MYO9B: variants seen among roughly 807,000 people sequenced by gnomAD.
MYO9B encodes unconventional myosin-IXb.
MYO9B carries 71 observed loss-of-function variants against 229.5 expected under a neutral mutation model. The observed-to-expected ratio is 0.31, with a 90% CI of 0.26 to 0.38. The LOEUF is 0.38. MYO9B is among the 10% of genes least tolerant of loss of function. The pLI is 1.00. For synonymous variants in MYO9B, 1,185 were observed against 1,235.8 expected, an observed-to-expected ratio of 0.96 and a Z score of 0.86; for missense variants, 2,255 against 2,920.5, an observed-to-expected ratio of 0.77 and a Z score of 5.25.
chr19:17,140,930 C>A (rs888777566), intron 2 of MYO9B, among the ~76,000 whole-genome samples: 4 of 151,470 alleles, frequency 2.6e-5, no homozygotes, highest in Non-Finnish European at 4.4e-5. Context: ...TGGTAAAACC[C>A]CATCTCTACT....
chr19:17,163,523 A>G (rs1168436950), intron 10 of MYO9B, among the ~76,000 whole-genome samples: 1 of 151,986 alleles, frequency 6.6e-6, no homozygotes, highest in African/African-American at 2.4e-5. Flanking sequence ...GCACACTACC[A>G]TGCCTGGCTA....
rs145576890 is a variant in MYO9B, at chr19:17,171,207, G to A, written c.1794-1129G>A. Among the ~76,000 whole-genome samples the A allele has an allele frequency of 2.1e-3, 318 of 152,240 alleles. 3 individuals are homozygous for A. The highest frequency in any genetic ancestry group is 0.014 in the Middle Eastern group (4 of 294). ...CCCCGATGTTGGGATCTGGGCATGCGTTCCGCTGCCTGTATTTTCAAAAGT... is the reference window on the plus strand; with the variant it reads ...CCCCGATGTTGGGATCTGGGCATGCATTCCGCTGCCTGTATTTTCAAAAGT... On this transcript the variant is annotated intron_variant, in intron 11 of 39. Transcript: ENST00000682292.
chr19:17,161,494 C>T (rs1057309820), intron 8 of MYO9B, among the ~76,000 whole-genome samples: 18 of 151,592 alleles, frequency 1.2e-4, no homozygotes, highest in Non-Finnish European at 2.2e-4. Flanking sequence ...GCCTTGGCAA[C>T]ATAGTGAGAC....
chr19:17,127,488 G>A (rs1012917944), intron 2 of MYO9B, among the ~76,000 whole-genome samples: 4 of 151,502 alleles, frequency 2.6e-5, no homozygotes, highest in Admixed American at 6.6e-5. Context: ...CACCACACCC[G>A]GCTAATTTCT....
intron 1 of MYO9B, among the ~76,000 whole-genome samples, chr19:17,097,704 T>G (rs1290788609): frequency 6.6e-6 from 1 of 152,284 alleles, no homozygotes; most frequent in South Asian, 2.1e-4. Context: ...GCCTCAGCCC[T>G]TCTAACACTT....
chr19:17,205,315 C>T lies in MYO9B; in HGVS notation c.5043C>T (p.Cys1681=). 1.2e-6 allele frequency: 2 copies of T among 1,613,864 alleles called. No individual in the cohort carries two copies. ...KKCVHKIQSH[C]SYTYGRKGEP... is the part of the protein sequence containing the mutation. ...GCGTGCACAAGATTCAGAGCCACTG[C>T]TCCTACACCTACGGGAGGAAGGTGA... is the stretch of plus-strand genomic sequence containing the variant. Residue 1681 remains cysteine, a synonymous_variant, in exon 31 of 40, where the codon TGC becomes TGT. Coordinates refer to ENST00000682292, the MANE Select transcript of MYO9B (RefSeq NM_004145.4).
chr19:17,076,581 G>A (rs2057486631), intron 1 of MYO9B, among the ~76,000 whole-genome samples: 1 of 151,982 alleles, frequency 6.6e-6, no homozygotes, highest in African/African-American at 2.4e-5. Context: ...TGGAGATTCC[G>A]TCCCCCCACC....
At chr19:17,190,044 G>A (rs1398801402) in intron 19 of MYO9B, among the ~76,000 whole-genome samples, 6 of 142,734 alleles carry the variant, frequency 4.2e-5, no homozygotes, top group Admixed American at 7.2e-5. Flanking sequence ...CAGCCTGGGC[G>A]GCAAAACAAG....
intron 2 of MYO9B, 60 bp downstream of exon 2, chr19:17,102,617 C>G: frequency 6.8e-7 from 1 of 1,478,280 alleles, no homozygotes; most frequent in African/African-American, 1.4e-5. Flanking sequence ...ATGCGGGTTT[C>G]AGGCCAAGCT....
At chr19:17,171,033 T>C (rs1352014240) in intron 11 of MYO9B, among the ~76,000 whole-genome samples, 1 of 152,286 alleles carries the variant, frequency 6.6e-6, no homozygotes, top group Non-Finnish European at 1.5e-5. Flanking sequence ...TCTGAAATAC[T>C]GTGCTAAAAT....
chr19:17,107,231 C>T (rs1022138175), intron 2 of MYO9B, among the ~76,000 whole-genome samples: 1 of 152,012 alleles, frequency 6.6e-6, no homozygotes, highest in African/African-American at 2.4e-5. Context: ...AAGACCCTGT[C>T]TCAAAAAAAT....
intron 2 of MYO9B, among the ~76,000 whole-genome samples, chr19:17,114,084 G>A (rs35009184): frequency 0.03 from 4,526 of 152,156 alleles, 88 homozygotes; most frequent in Non-Finnish European, 0.048. Flanking sequence ...CCCTAGTCCC[G>A]ACAACCAGAA....
chr19:17,120,950 T>G (rs1488943900), intron 2 of MYO9B, among the ~76,000 whole-genome samples: 1 of 152,168 alleles, frequency 6.6e-6, no homozygotes, highest in African/African-American at 2.4e-5. Context: ...GGTTTCTTGT[T>G]GTTGTTTTTC....
chr19:17,181,567 G>T (rs111916877), intron 15 of MYO9B, among the ~76,000 whole-genome samples: 59 of 152,290 alleles, frequency 3.9e-4, no homozygotes, highest in African/African-American at 1.4e-3. Flanking sequence ...TGCAAATGGG[G>T]TAATGACTCT....
rs2057476480 is a variant in MYO9B at position 17,075,856 on chromosome 19, G to A, written c.-77G>A. 6.6e-6 allele frequency: 1 copy of A among 150,598 alleles called. No homozygotes were observed. The highest frequency in any genetic ancestry group is 2.4e-5 in the African/African-American group (1 of 41,188). 9.3% of individuals were successfully genotyped at this position (150,598 alleles called of 1,614,324 possible). A position where few individuals can be genotyped will look rare whatever the true frequency, so the allele number is the denominator to read the frequency against. On this transcript the variant is annotated 5_prime_UTR_variant, in exon 1 of 40. Transcript: ENST00000682292. ...GGGGACCCGGCCCGGGACCGGCGGC[G>A]CGCGGCGGCCGAGGCCAGGTGAGTA...
At chr19:17,199,703 T>C (rs11086059) in intron 24 of MYO9B, among the ~76,000 whole-genome samples, 1,081 of 64,132 alleles carry the variant, frequency 0.017, 14 homozygotes, top group African/African-American at 0.099. Context: ...TTTTTTTCTT[T>C]TTTTTTTTTT....
chr19:17,095,179 GT>G (rs2057675766), intron 1 of MYO9B, among the ~76,000 whole-genome samples: 1 of 152,084 alleles, frequency 6.6e-6, no homozygotes, highest in South Asian at 2.1e-4. Flanking sequence ...GGACGTGAAG[GT>G]TACAGTGAGC....
At position 17,206,016 on chromosome 19, in the gene MYO9B, C is replaced by T. The variant is rs370711948; in HGVS notation, c.5121C>T (p.Ser1707=). The T allele has an allele frequency of 4.1e-5, 66 of 1,606,042 alleles. No homozygotes were observed. The highest frequency in any genetic ancestry group is 1.2e-4 in the Admixed American group (7 of 59,740). The change falls in exon 32 of 40, where the codon AGC becomes AGT. Residue 1707 remains serine (S), a synonymous_variant. Coordinates refer to ENST00000682292, the MANE Select transcript of MYO9B (RefSeq NM_004145.4). ...GCGTGTGCGTAGACAGCCTGACCAG[C>T]GACAAGGCCTCGGTGCCCATCGTGC... ...HFGVCVDSLT[S]DKASVPIVLE...
intron 2 of MYO9B, among the ~76,000 whole-genome samples, 197 bp from the exon 3 acceptor site, chr19:17,145,200 C>T (rs1050956321): frequency 6.6e-6 from 1 of 151,764 alleles, no homozygotes; most frequent in Non-Finnish European, 1.5e-5. Flanking sequence ...TGCTTGAACC[C>T]GGGAGGCAGA....
Sources: allele counts gnomAD v4.1 joint callset (sites outside exome capture counted in the v4.1 genomes callset), GRCh38; gene constraint gnomAD v4.1.1; transcripts MANE v1.5; gene names NCBI Gene and HGNC (gene_info 2026-07-23, HGNC 2026-07-21).